Variants in CLEC16A observed in about 807,000 individuals in gnomAD.
CLEC16A encodes protein CLEC16A.
Under a neutral mutation model 109.5 loss-of-function variants are expected in CLEC16A, and 51 were observed. That is an observed-to-expected ratio of 0.47 (90% CI 0.37 to 0.59). The LOEUF is 0.59. CLEC16A is among the 20% of genes least tolerant of loss of function. The pLI is 0.00. For synonymous variants in CLEC16A, 673 were observed against 564.2 expected, an observed-to-expected ratio of 1.19 and a Z score of -2.73; for missense variants, 1,339 against 1,394.0, an observed-to-expected ratio of 0.96 and a Z score of 0.63.
At chr16:10,958,591 G>A (rs4781027) in intron 2 of CLEC16A, among the ~76,000 whole-genome samples, 48,753 of 152,092 alleles carry the variant, frequency 0.32, 9,889 homozygotes, top group East Asian at 0.59. Flanking sequence ...AAAGACAGAC[G>A]TGCCTCACTG....
chr16:11,020,955 G>A (rs2046063337), intron 12 of CLEC16A, among the ~76,000 whole-genome samples: 1 of 152,226 alleles, frequency 6.6e-6, no homozygotes, highest in Non-Finnish European at 1.5e-5. Flanking sequence ...GCTGGTAGCA[G>A]GGCTTCATTT....
In CLEC16A at chr16:11,174,386, C is replaced by T; in HGVS notation, c.2807-3949C>T. 2.8e-6 allele frequency: 1 copy of T among 361,670 alleles called. No homozygotes were observed. Among genetic ancestry groups the T allele is most frequent in the Non-Finnish European group, 5.6e-6 (1 of 178,210 alleles). The allele number at this position is 361,670 out of a possible 1,614,324, so 22.4% of individuals were successfully genotyped here. ...AGGTGGGCCAAGCTGGGCCTGAGCA[C>T]AGAGCCATTTGCCAAGGCGGCACTT... On this transcript the variant is annotated intron_variant, in intron 23 of 23. Coordinates refer to ENST00000409790, the MANE Select transcript of CLEC16A (RefSeq NM_015226.3). This position sits in a 1 kb window ranked among gnomAD's most constrained non-coding sequence, Gnocchi z 4.7.
intron 23 of CLEC16A, among the ~76,000 whole-genome samples, chr16:11,175,982 A>G (rs2068733288): frequency 6.6e-6 from 1 of 152,276 alleles, no homozygotes; most frequent in Non-Finnish European, 1.5e-5. Context: ...ATGGTAGGAC[A>G]GTGCCATTTG....
chr16:10,986,698 C>T (rs1314150973), intron 10 of CLEC16A, among the ~76,000 whole-genome samples: 2 of 148,738 alleles, frequency 1.3e-5, no homozygotes, highest in African/African-American at 2.5e-5. Context: ...TCCATGTTGT[C>T]GCATATATCA....
chr16:11,138,026 C>G (rs906606637), intron 22 of CLEC16A, among the ~76,000 whole-genome samples: 2 of 152,138 alleles, frequency 1.3e-5, no homozygotes, highest in Admixed American at 1.3e-4. Flanking sequence ...CACGGCAGCT[C>G]CTGGGGGCCA....
chr16:11,001,407 T>C (rs757898874), intron 10 of CLEC16A, among the ~76,000 whole-genome samples: 7 of 152,162 alleles, frequency 4.6e-5, no homozygotes, highest in Non-Finnish European at 8.8e-5. Context: ...GAGCATTAAA[T>C]GTAGAATTAA....
At chr16:10,970,458 A>T (rs185754921) in intron 4 of CLEC16A, among the ~76,000 whole-genome samples, 2 of 152,202 alleles carry the variant, frequency 1.3e-5, no homozygotes, top group African/African-American at 4.8e-5. Context: ...TATTATCCCC[A>T]TGTTATAGAT....
At chr16:11,022,841 G>T (rs1015852247) in intron 12 of CLEC16A, among the ~76,000 whole-genome samples, 1 of 151,160 alleles carries the variant, frequency 6.6e-6, no homozygotes, top group African/African-American at 2.4e-5. Flanking sequence ...AGAGCTTGCA[G>T]TGAGCCGAGA....
chr16:11,025,676 T>C lies in CLEC16A; in HGVS notation c.1537+755T>C, dbSNP rs78806980. On this transcript the variant is annotated intron_variant, in intron 13 of 23. Coordinates refer to ENST00000409790, the MANE Select transcript of CLEC16A (RefSeq NM_015226.3). ...TTTTAGTAGGTTTTTTATAAGCTTATTGGGGAGTAGATAGAGTTGGGTTTT... is the reference window on the plus strand; with the variant it reads ...TTTTAGTAGGTTTTTTATAAGCTTACTGGGGAGTAGATAGAGTTGGGTTTT... Among the ~76,000 whole-genome samples, 292 of 152,270 alleles carry C rather than the reference T, an allele frequency of 1.9e-3. 1 individual carries two copies. The highest frequency in any genetic ancestry group is 2.8e-3 in the Non-Finnish European group (191 of 68,012).
intron 11 of CLEC16A, among the ~76,000 whole-genome samples, chr16:11,003,528 T>C (rs934275669): frequency 1.3e-5 from 2 of 152,162 alleles, no homozygotes; most frequent in African/African-American, 2.4e-5. Flanking sequence ...CCCGCCCTCA[T>C]GGGATGGGTG....
chr16:11,018,748 C>CAAAAAAAAAAAAA lies in CLEC16A; in HGVS notation c.1304-1440_1304-1428dup, dbSNP rs56911220. 2.1e-3 allele frequency among the ~76,000 whole-genome samples: 199 copies of CAAAAAAAAAAAAA among 96,192 alleles called. 14 individuals carry two copies. The highest frequency in any genetic ancestry group is 7.7e-3 in the African/African-American group (176 of 22,780). 63.1% of individuals were successfully genotyped at this position (96,192 alleles called of 152,430 possible). Reference sequence around the variant, plus strand: ...TGGGCGACAGAGCGAGACTCCATCTCAAAAAAAAAAAAAAAAATGGAGACA... The same window carrying CAAAAAAAAAAAAA: ...TGGGCGACAGAGCGAGACTCCATCTCAAAAAAAAAAAAAAAAAAAAAAAAAAAAAATGGAGACA... On this transcript the variant is annotated intron_variant, in intron 11 of 23. Transcript: ENST00000409790.
chr16:11,069,465 C>T (rs898711076), intron 19 of CLEC16A, among the ~76,000 whole-genome samples: 3 of 151,720 alleles, frequency 2.0e-5, no homozygotes, highest in South Asian at 2.1e-4. Flanking sequence ...TACAAGGTCT[C>T]GCTCTGTCGT....
At chr16:11,083,092 A>G (rs935519544) in intron 19 of CLEC16A, among the ~76,000 whole-genome samples, 8 of 152,196 alleles carry the variant, frequency 5.3e-5, no homozygotes, top group Non-Finnish European at 2.9e-5. Flanking sequence ...GCTGCCCCTC[A>G]TCAGCAGCTC....
chr16:11,107,905 C>T (rs191331758), intron 19 of CLEC16A, among the ~76,000 whole-genome samples: 2 of 152,354 alleles, frequency 1.3e-5, no homozygotes, highest in Admixed American at 6.5e-5. Flanking sequence ...CCTCGGACCA[C>T]TTAGGCTTCC....
chr16:11,049,112 A>G (rs1459779731), intron 17 of CLEC16A, among the ~76,000 whole-genome samples: 1 of 151,820 alleles, frequency 6.6e-6, no homozygotes, highest in Non-Finnish European at 1.5e-5. Context: ...GGTTCAAGCA[A>G]TTCTCCTGCC....
At chr16:11,013,465 C>A (rs1302836234) in intron 11 of CLEC16A, among the ~76,000 whole-genome samples, 1 of 151,982 alleles carries the variant, frequency 6.6e-6, no homozygotes, top group Non-Finnish European at 1.5e-5. Flanking sequence ...CCCATCTCTG[C>A]TAAAAATACA....
At chr16:11,004,038 T>C (rs559106205) in intron 11 of CLEC16A, among the ~76,000 whole-genome samples, 13 of 152,076 alleles carry the variant, frequency 8.5e-5, no homozygotes, top group South Asian at 2.1e-4. Flanking sequence ...ATTCTCTCAA[T>C]TCTTACGTTA....
chr16:11,005,721 G>T lies in CLEC16A; in HGVS notation c.1303+2416G>T, dbSNP rs2044961646. Among the ~76,000 whole-genome samples the T allele has an allele frequency of 2.0e-5, 3 of 152,180 alleles. No individual in the cohort carries two copies. In the South Asian group the frequency reaches 6.2e-4, roughly 31 times the overall value. On this transcript the variant is annotated intron_variant, in intron 11 of 23. Transcript: ENST00000409790. ...CTCTCCTTAGACGGTATCTGTGTTT[G>T]GATGAAACTGCACAGCTGTTAATTC...
At chr16:11,088,089 C>G (rs774148952) in intron 19 of CLEC16A, among the ~76,000 whole-genome samples, 1 of 152,242 alleles carries the variant, frequency 6.6e-6, no homozygotes, top group African/African-American at 2.4e-5. Context: ...CTCTCTGTCT[C>G]GAAAGGGGCC....
Sources: gnomAD v4.1 joint callset for allele counts (sites outside exome capture counted in the v4.1 genomes callset) on GRCh38, gnomAD v4.1.1 for gene constraint, Gnocchi (gnomAD v3.1) non-coding constraint, MANE v1.5 for transcripts, NCBI Gene and HGNC (gene_info 2026-07-23, HGNC 2026-07-21) for gene names.